SRGAP2: variants seen among roughly 807,000 people sequenced by gnomAD.
SRGAP2 encodes SLIT-ROBO Rho GTPase-activating protein 2.
Under a neutral mutation model 57.2 loss-of-function variants are expected in SRGAP2, and 15 were observed. That is an observed-to-expected ratio of 0.26 (90% CI 0.18 to 0.40). The LOEUF is 0.40. Among genes scored for constraint, SRGAP2 ranks in the 10% least tolerant of loss-of-function variants. SRGAP2 has a pLI of 1.00. For missense variants in SRGAP2, 520 were observed against 669.6 expected, an observed-to-expected ratio of 0.78 and a Z score of 2.47; for synonymous variants, 249 against 248.0, an observed-to-expected ratio of 1.00 and a Z score of -0.04.
At chr1:206,307,308 C>T (rs2102771190) in intron 3 of SRGAP2, among the ~76,000 whole-genome samples, 1 of 152,392 alleles carries the variant, frequency 6.6e-6, no homozygotes, top group East Asian at 1.9e-4. Flanking sequence ...ACACAGGGTG[C>T]TGATTGGTGT....
chr1:206,372,940 T>C (rs1464603673), intron 4 of SRGAP2, among the ~76,000 whole-genome samples: 1 of 8,430 alleles, frequency 1.2e-4, no homozygotes, highest in African/African-American at 1.6e-3. Flanking sequence ...TCTTTCTTTC[T>C]TTCTTTCTTT....
At chr1:206,252,362 A>G (rs1668893703) in intron 2 of SRGAP2, among the ~76,000 whole-genome samples, 1 of 151,814 alleles carries the variant, frequency 6.6e-6, no homozygotes, top group South Asian at 2.1e-4. Context: ...AATAAGTGTG[A>G]GTCCACATGT....
At chr1:206,398,823 G>T (rs1300844419) in intron 7 of SRGAP2, among the ~76,000 whole-genome samples, 1 of 152,220 alleles carries the variant, frequency 6.6e-6, no homozygotes, top group Non-Finnish European at 1.5e-5. Context: ...GTCTAGGATT[G>T]CAGGGTTGGC....
chr1:206,455,322 C>T (rs1481463160), intron 21 of SRGAP2: 3 of 416,870 alleles, frequency 7.2e-6, no homozygotes, highest in African/African-American at 6.2e-5. Flanking sequence ...ACAGCTAAAA[C>T]TTTGACCAAA....
chr1:206,411,157 G>A (rs2103193241), intron 10 of SRGAP2, among the ~76,000 whole-genome samples: 1 of 152,384 alleles, frequency 6.6e-6, no homozygotes, highest in Middle Eastern at 3.4e-3. Context: ...ACCATGCCCA[G>A]CCTAAGTATT....
At chr1:206,325,469 G>A (rs868961667) in intron 3 of SRGAP2, among the ~76,000 whole-genome samples, 1 of 151,058 alleles carries the variant, frequency 6.6e-6, no homozygotes, top group South Asian at 2.1e-4. Flanking sequence ...TCAGCCTCCC[G>A]AGTAGCTAGG....
intron 3 of SRGAP2, among the ~76,000 whole-genome samples, chr1:206,328,105 A>G (rs1342171498): frequency 1.6e-5 from 2 of 123,760 alleles, no homozygotes; most frequent in Non-Finnish European, 3.2e-5. Context: ...ATGGTTTCCA[A>G]TTTCATCCAT....
chr1:206,298,588 T>C (rs1571788650), intron 2 of SRGAP2, among the ~76,000 whole-genome samples: 1 of 152,082 alleles, frequency 6.6e-6, no homozygotes, highest in Non-Finnish European at 1.5e-5. Context: ...TGAGCAACAA[T>C]CATCACTATC....
At chr1:206,423,653 C>G (rs1344142751) in intron 13 of SRGAP2, among the ~76,000 whole-genome samples, 1 of 152,120 alleles carries the variant, frequency 6.6e-6, no homozygotes, top group Non-Finnish European at 1.5e-5. Context: ...TATTTTCTCC[C>G]TTGGTAAAAA....
intron 2 of SRGAP2, among the ~76,000 whole-genome samples, chr1:206,291,813 G>A (rs1196677315): frequency 1.3e-5 from 2 of 148,946 alleles, no homozygotes; most frequent in East Asian, 3.9e-4. Context: ...TAACCAACCA[G>A]TCACTTCACA....
At chr1:206,272,704 G>A (rs1230231476) in intron 2 of SRGAP2, among the ~76,000 whole-genome samples, 1 of 152,276 alleles carries the variant, frequency 6.6e-6, no homozygotes, top group East Asian at 1.9e-4. Context: ...GAGCCACTGT[G>A]CCCAGCAATT....
intron 14 of SRGAP2, among the ~76,000 whole-genome samples, chr1:206,433,916 C>G (rs921274122): frequency 6.6e-6 from 1 of 152,148 alleles, no homozygotes; most frequent in South Asian, 2.1e-4. Context: ...ATTCTAGGAT[C>G]AAGCAAATAT....
chr1:206,232,228 A>G (rs1553307216), intron 2 of SRGAP2, among the ~76,000 whole-genome samples: 1 of 152,194 alleles, frequency 6.6e-6, no homozygotes, highest in Non-Finnish European at 1.5e-5. Context: ...TGGAGAGGTG[A>G]GCAAGCAGAT....
chr1:206,448,161 G>A lies in SRGAP2; in HGVS notation c.2099+1862G>A, dbSNP rs571778805. On this transcript the variant is annotated intron_variant, in intron 18 of 22. Coordinates refer to ENST00000573034, the MANE Select transcript of SRGAP2 (RefSeq NM_015326.5). ...CCAGCCCCGGGAGCTAAGGCAGTAA[G>A]GAGGTGAGTGAGGGTGGTAGAAGGG... Among the ~76,000 whole-genome samples the A allele has an allele frequency of 5.9e-5, 9 of 152,264 alleles. No homozygotes were observed. In the South Asian group the frequency reaches 1.9e-3, roughly 32 times the overall value.
rs1177977012 is a variant in SRGAP2 at position 206,275,681 on chromosome 1, C to T, written c.68-27600C>T. On this transcript the variant is annotated intron_variant, in intron 2 of 22. Coordinates refer to ENST00000573034, the MANE Select transcript of SRGAP2 (RefSeq NM_015326.5). ...CCAGGCTGGAGTGCAGTGGCGCGAT[C>T]TCTGCTCACTGCAACCTCCGCCTCT... is the stretch of plus-strand genomic sequence containing the variant. 3.4e-5 allele frequency among the ~76,000 whole-genome samples: 5 copies of T among 148,246 alleles called. No homozygotes were observed. In the South Asian group the frequency reaches 1.1e-3, roughly 31 times the overall value.
rs1671888314 is a variant in SRGAP2, at chr1:206,301,776, CAGATCACCTG to C, written c.68-1498_68-1489del. ...ATGAAGAGGGTGAGAATTGCGCTTA[CAGATCACCTG>C]AGATCATCTGCAAAGGACATACTGA... On this transcript the variant is annotated intron_variant, in intron 2 of 22. Coordinates refer to ENST00000573034, the MANE Select transcript of SRGAP2 (RefSeq NM_015326.5). 4.0e-5 allele frequency among the ~76,000 whole-genome samples: 6 copies of C among 150,816 alleles called. No individual in the cohort carries two copies. The South Asian group carries it at 1.3e-3, about 32-fold the overall frequency.
chr1:206,412,697 G>C (rs782339310), intron 10 of SRGAP2, among the ~76,000 whole-genome samples: 5 of 150,632 alleles, frequency 3.3e-5, no homozygotes, highest in Admixed American at 6.6e-5. Flanking sequence ...ATTCTTCAGC[G>C]GTCTCAGCTC....
chr1:206,216,791 TG>T (rs1666677042), intron 2 of SRGAP2, among the ~76,000 whole-genome samples: 1 of 86,900 alleles, frequency 1.2e-5, no homozygotes, highest in East Asian at 2.8e-4. Context: ...ATATTCTCTT[TG>T]TTTTTTTGTT....
At chr1:206,250,221 C>T (rs1448825860) in intron 2 of SRGAP2, among the ~76,000 whole-genome samples, 1 of 151,996 alleles carries the variant, frequency 6.6e-6, no homozygotes, top group Admixed American at 6.5e-5. Flanking sequence ...GTTTGGTCCA[C>T]TTTTCTCATT....
Sources: allele counts gnomAD v4.1 joint callset (sites outside exome capture counted in the v4.1 genomes callset), GRCh38; gene constraint gnomAD v4.1.1; transcripts MANE v1.5; gene names NCBI Gene and HGNC (gene_info 2026-07-23, HGNC 2026-07-21).